Variants in BCHE observed in about 807,000 individuals in gnomAD.
BCHE encodes butyrylcholinesterase.
BCHE carries 48 observed loss-of-function variants against 51.3 expected under a neutral mutation model. The ratio of observed to expected loss-of-function variants is 0.94; its 90% CI spans 0.74 to 1.19. BCHE has a LOEUF of 1.19. Among genes scored for constraint, BCHE ranks in the 50% most tolerant of loss-of-function variants. The probability of loss-of-function intolerance (pLI) is 0.00; values close to 1 mark genes in which losing one functional copy is unlikely to be tolerated. For synonymous variants in BCHE, 251 were observed against 238.0 expected (o/e 1.05, Z -0.50); for missense variants, 847 against 708.2 (o/e 1.20, Z -2.23).
chr3:165,817,414 T>G (rs956976173), intron 2 of BCHE, among the ~76,000 whole-genome samples: 2 of 152,086 alleles, frequency 1.3e-5, no homozygotes, highest in African/African-American at 4.8e-5. Flanking sequence ...ACTAAATGTC[T>G]CACTCAGGAA....
At chr3:165,776,330 A>G (rs1236502071) in intron 3 of BCHE, among the ~76,000 whole-genome samples, 1 of 151,996 alleles carries the variant, frequency 6.6e-6, no homozygotes, top group Non-Finnish European at 1.5e-5. Context: ...GAAGGGGATC[A>G]ATATATATTT....
chr3:165,791,584 A>C (rs75914473), intron 2 of BCHE, among the ~76,000 whole-genome samples: 261 of 152,310 alleles, frequency 1.7e-3, no homozygotes, highest in African/African-American at 6.1e-3. Flanking sequence ...CTGGCCTGAG[A>C]AACTGGAAGA....
Position 165,773,314 on chromosome 3 carries a change from A to C in BCHE, c.*68T>G. 6.7e-7 allele frequency: 1 copy of C among 1,484,042 alleles called. No individual in the cohort carries two copies. The highest frequency in any genetic ancestry group is 9.3e-7 in the Non-Finnish European group (1 of 1,079,408). 91.9% of individuals were successfully genotyped at this position (1,484,042 alleles called of 1,614,324 possible). A position where few individuals can be genotyped will look rare whatever the true frequency, so the allele number is the denominator to read the frequency against. The stretch of plus-strand genomic sequence containing the variant: ...ATAATAACTTTTTTAGTAGGTGTGT[A>C]AAAAAGCTCCTGATATTTTTGCCTT... On this transcript the variant is annotated 3_prime_UTR_variant, in exon 4 of 4. Coordinates refer to ENST00000264381, the MANE Select transcript of BCHE (RefSeq NM_000055.4).
chr3:165,792,346 GA>G (rs1713202466), intron 2 of BCHE, among the ~76,000 whole-genome samples: 1 of 151,962 alleles, frequency 6.6e-6, no homozygotes, highest in Non-Finnish European at 1.5e-5. Context: ...AAATTACCCG[GA>G]AAAGAGTTAA....
At chr3:165,833,758 T>C (rs929231396) in intron 1 of BCHE, among the ~76,000 whole-genome samples, 2 of 149,694 alleles carry the variant, frequency 1.3e-5, no homozygotes, top group East Asian at 4.0e-4. Flanking sequence ...CAGGAGAGCA[T>C]CTGGAGAAAA....
At chr3:165,818,300 A>C (rs1327052125) in intron 2 of BCHE, among the ~76,000 whole-genome samples, 2 of 152,070 alleles carry the variant, frequency 1.3e-5, no homozygotes, top group Non-Finnish European at 2.9e-5. Flanking sequence ...TTTACCTAGT[A>C]CACTGAGAAT....
chr3:165,773,555 A>G (rs768855450), intron 3 of BCHE, 49 bp from the exon 4 acceptor site: 2 of 1,515,782 alleles, frequency 1.3e-6, no homozygotes, highest in South Asian at 2.3e-5. Context: ...TATCTGTTTC[A>G]TTAACTGAAA....
intron 2 of BCHE, among the ~76,000 whole-genome samples, chr3:165,792,931 A>G (rs1208320909): frequency 6.6e-6 from 1 of 152,158 alleles, no homozygotes; most frequent in East Asian, 1.9e-4. Context: ...CCTATAAACA[A>G]TGTCTTTTAT....
At chr3:165,809,844 T>C (rs1384779902) in intron 2 of BCHE, among the ~76,000 whole-genome samples, 2 of 152,136 alleles carry the variant, frequency 1.3e-5, no homozygotes, top group Admixed American at 6.6e-5. Context: ...GTCTAGTACA[T>C]CATTGTCTTA....
At chr3:165,786,741 A>G (rs1712971836) in intron 2 of BCHE, among the ~76,000 whole-genome samples, 1 of 151,750 alleles carries the variant, frequency 6.6e-6, no homozygotes, top group Admixed American at 6.6e-5. Flanking sequence ...TACTCTTATT[A>G]ATACTGCTTG....
At chr3:165,802,802 C>T (rs546434915) in intron 2 of BCHE, among the ~76,000 whole-genome samples, 6 of 151,964 alleles carry the variant, frequency 3.9e-5, no homozygotes, top group African/African-American at 7.3e-5. Flanking sequence ...AGTACCGTGG[C>T]GCGATCTCGG....
At chr3:165,792,246 T>C (rs1713196513) in intron 2 of BCHE, among the ~76,000 whole-genome samples, 1 of 152,008 alleles carries the variant, frequency 6.6e-6, no homozygotes, top group African/African-American at 2.4e-5. Flanking sequence ...TTAGACAATA[T>C]TACTTCAAGG....
At chr3:165,790,090 T>G (rs1044363336) in intron 2 of BCHE, among the ~76,000 whole-genome samples, 1 of 151,300 alleles carries the variant, frequency 6.6e-6, no homozygotes, top group Non-Finnish European at 1.5e-5. Context: ...GGTGAGGGAG[T>G]CCATAATAAA....
intron 3 of BCHE, among the ~76,000 whole-genome samples, chr3:165,775,931 T>A (rs1712451103): frequency 6.6e-6 from 1 of 151,998 alleles, no homozygotes; most frequent in East Asian, 1.9e-4. Context: ...CTTCTTTTCT[T>A]AGTCCGCCTC....
rs1023782623 is a variant in BCHE at position 165,790,161 on chromosome 3, A to T, written c.1518-3850T>A. Among the ~76,000 whole-genome samples the T allele has an allele frequency of 2.0e-5, 3 of 152,058 alleles. No homozygotes were observed. The East Asian group carries it at 5.8e-4, about 29-fold the overall frequency. On this transcript the variant is annotated intron_variant, in intron 2 of 3. Coordinates refer to ENST00000264381, the MANE Select transcript of BCHE (RefSeq NM_000055.4). ...GACTGTCCATGTGATTAGAGAGTTG[A>T]GACTTTTAGCCATGTGATATCATAC...
At chr3:165,814,316 C>T (rs1042626816) in intron 2 of BCHE, among the ~76,000 whole-genome samples, 9 of 151,780 alleles carry the variant, frequency 5.9e-5, no homozygotes, top group Admixed American at 1.3e-4. Context: ...TATTTATTCT[C>T]CAGATGTTAC....
chr3:165,786,057 C>G, intron 3 of BCHE, 88 bp downstream of exon 3: 2 of 1,378,988 alleles, frequency 1.5e-6, no homozygotes, highest in Non-Finnish European at 1.0e-6. Flanking sequence ...TATAGTAACT[C>G]CATCACCGTG....
At chr3:165,790,072 G>C (rs917162585) in intron 2 of BCHE, among the ~76,000 whole-genome samples, 1 of 152,052 alleles carries the variant, frequency 6.6e-6, no homozygotes, top group East Asian at 1.9e-4. Context: ...TGTGTGTGAG[G>C]GGGGGATGGT....
chr3:165,818,895 A>G (rs527298459), intron 2 of BCHE, among the ~76,000 whole-genome samples: 1 of 152,216 alleles, frequency 6.6e-6, no homozygotes, highest in African/African-American at 2.4e-5. Flanking sequence ...GGAACAATTA[A>G]CTTGGCAACT....
Sources: allele counts gnomAD v4.1 joint callset (sites outside exome capture counted in the v4.1 genomes callset), GRCh38; gene constraint gnomAD v4.1.1; transcripts MANE v1.5; gene names NCBI Gene and HGNC (gene_info 2026-07-23, HGNC 2026-07-21).